The following BSDC1 variants were observed in gnomAD, a reference collection of about 807,000 sequenced individuals.
BSDC1 encodes the protein BSD domain-containing protein 1.
Under a neutral mutation model 56.0 loss-of-function variants are expected in BSDC1, and 29 were observed. The ratio of observed to expected loss-of-function variants is 0.52; its 90% CI spans 0.39 to 0.71. The LOEUF (loss-of-function observed/expected upper bound fraction) is 0.71. Among genes scored for constraint, BSDC1 ranks in the 30% least tolerant of loss-of-function variants. The pLI is 0.00. For missense variants in BSDC1, 477 were observed against 548.5 expected, an observed-to-expected ratio of 0.87 and a Z score of 1.30; for synonymous variants, 210 against 215.3, an observed-to-expected ratio of 0.98 and a Z score of 0.21.
Position 32,378,274 on chromosome 1 carries a change from C to T in BSDC1, c.538G>A (p.Ala180Thr). The T allele has an allele frequency of 6.2e-7, 1 of 1,614,206 alleles. No homozygotes were observed. The highest frequency in any genetic ancestry group is 8.5e-7 in the Non-Finnish European group (1 of 1,180,028). ...TGCCAGAATTCTGAATGGGAAACAG[C>T]TGCTGGAACCTGGAGGGAGGGGAAA... ...RALYTKMVPA[A>T]VSHSEFWHRY... Residue 180 changes from alanine (A) to threonine (T), a missense_variant, in exon 7 of 11, where the codon GCT (alanine) becomes ACT (threonine). Ala to Thr is a moderately conservative substitution (Grantham distance 58, BLOSUM62 0). Coordinates refer to ENST00000455895, the MANE Select transcript of BSDC1 (RefSeq NM_018045.8). The surrounding 1 kb of genome is among the most constrained non-coding windows in gnomAD (Gnocchi z 5.2).
At position 32,376,128 on chromosome 1, in the gene BSDC1, T is replaced by C. The variant is rs967967563; in HGVS notation, c.1156+134A>G. On this transcript the variant is annotated intron_variant, in intron 9 of 10. Transcript: ENST00000455895. ...AATATGTTAGCAAATAGTCAATATA[T>C]AGCAGCTGTCATCATTATCAGAAAC... 1.2e-5 allele frequency: 11 copies of C among 920,700 alleles called. No individual in the cohort carries two copies. The African/African-American group carries it at 1.3e-4, about 11-fold the overall frequency. The allele number at this position is 920,700 out of a possible 1,614,324, so 57.0% of individuals were successfully genotyped here. A position where few individuals can be genotyped will look rare whatever the true frequency, so the allele number is the denominator to read the frequency against.
In BSDC1 at chr1:32,378,776, A is replaced by T; in HGVS notation, c.476T>A (p.Ile159Asn). The part of the protein sequence containing the change: ...QFCLEEKKGE[I>N]SELLVGSPSI... The stretch of plus-strand genomic sequence containing the variant: ...GGGGCTGCCTACAAGGAGCTCTGAG[A>T]TCTCCCCCTTCTTCTCCTCCAAGCA... Residue 159 changes from isoleucine to asparagine, a missense_variant, in exon 6 of 11, where the codon ATC becomes AAC. Coordinates refer to ENST00000455895, the MANE Select transcript of BSDC1 (RefSeq NM_018045.8). This position sits in a 1 kb window ranked among gnomAD's most constrained non-coding sequence, Gnocchi z 5.2. 6.4e-7 allele frequency: 1 copy of T among 1,553,770 alleles called. No individual in the cohort carries two copies. The highest frequency in any genetic ancestry group is 8.7e-7 in the Non-Finnish European group (1 of 1,148,406).
chr1:32,379,461 C>G (rs61207850), intron 5 of BSDC1, among the ~76,000 whole-genome samples: 1 of 152,098 alleles, frequency 6.6e-6, no homozygotes, highest in Non-Finnish European at 1.5e-5. Context: ...CAGGTACCCC[C>G]GATACTTCCA....
chr1:32,393,974 C>G (rs945286409), intron 2 of BSDC1, 106 bp downstream of exon 2: 1 of 1,157,144 alleles, frequency 8.6e-7, no homozygotes, highest in African/African-American at 1.5e-5. Context: ...TCAGCCTCAT[C>G]CTTGAGACTT....
chr1:32,386,994 C>A, intron 2 of BSDC1, 99 bp from the exon 3 acceptor site: 2 of 909,012 alleles, frequency 2.2e-6, no homozygotes, highest in South Asian at 3.0e-5. Flanking sequence ...AAATGGAAAT[C>A]TCCAGCGGCA....
intron 9 of BSDC1, 134 bp downstream of exon 9, chr1:32,376,128 T>G (rs967967563): frequency 6.5e-6 from 6 of 920,818 alleles, no homozygotes; most frequent in Non-Finnish European, 9.1e-6. Flanking sequence ...AGTCAATATA[T>G]AGCAGCTGTC....
intron 5 of BSDC1, among the ~76,000 whole-genome samples, 196 bp downstream of exon 5, chr1:32,381,018 G>T (rs564414998): frequency 3.0e-4 from 45 of 152,258 alleles, no homozygotes; most frequent in Middle Eastern, 3.4e-3. Context: ...TGCAGGGTGG[G>T]CAGGACAGCT....
intron 5 of BSDC1, among the ~76,000 whole-genome samples, chr1:32,380,405 G>C (rs888805164): frequency 6.6e-6 from 1 of 152,124 alleles, no homozygotes; most frequent in Non-Finnish European, 1.5e-5. Flanking sequence ...TGCATTTTTG[G>C]GAGGCTGAGA....
At chr1:32,386,549 G>A (rs1642678526) in intron 3 of BSDC1, 1 of 396,092 alleles carries the variant, frequency 2.5e-6, no homozygotes, top group African/African-American at 2.1e-5. Flanking sequence ...GAATGACTTT[G>A]CTAATGGAAA....
At chr1:32,377,361 T>C (rs2148122280) in intron 8 of BSDC1, among the ~76,000 whole-genome samples, 1 of 152,348 alleles carries the variant, frequency 6.6e-6, no homozygotes, top group Middle Eastern at 3.4e-3. Context: ...CCTAGGTGTA[T>C]GATTGGGCAA....
intron 3 of BSDC1, among the ~76,000 whole-genome samples, chr1:32,386,142 C>T (rs1477754483): frequency 2.6e-5 from 4 of 151,920 alleles, no homozygotes; most frequent in Non-Finnish European, 5.9e-5. Context: ...ACACGGTGCA[C>T]CCCGTCTCTA....
intron 3 of BSDC1, among the ~76,000 whole-genome samples, chr1:32,384,663 C>A (rs1488651910): frequency 6.6e-6 from 1 of 152,074 alleles, no homozygotes; most frequent in Non-Finnish European, 1.5e-5. Flanking sequence ...TTGCCTGGGA[C>A]CAACTGAGGG....
chr1:32,375,363 C>T lies in BSDC1; in HGVS notation c.1156+899G>A, dbSNP rs187051595. Among the ~76,000 whole-genome samples the T allele has an allele frequency of 3.7e-3, 559 of 149,970 alleles. 7 individuals carry two copies. Among genetic ancestry groups the T allele is most frequent in the Non-Finnish European group, 5.3e-3 (358 of 67,686 alleles). On this transcript the variant is annotated intron_variant, in intron 9 of 10. Coordinates refer to ENST00000455895, the MANE Select transcript of BSDC1 (RefSeq NM_018045.8). ...CTTACCTGCTGGGCAAGCTTTGTGG[C>T]TGTGGCTGGTGCTGAGTGTTAGCAA...
At chr1:32,377,476 T>C (rs1312563231) in intron 8 of BSDC1, among the ~76,000 whole-genome samples, 1 of 130,456 alleles carries the variant, frequency 7.7e-6, no homozygotes, top group African/African-American at 2.9e-5. Context: ...CCTGGACATA[T>C]GGTGTAAACA....
chr1:32,383,971 C>T lies in BSDC1; in HGVS notation c.216G>A (p.Glu72=). Residue 72 remains glutamate, a synonymous_variant, in exon 4 of 11, where the codon GAG becomes GAA. Coordinates refer to ENST00000455895, the MANE Select transcript of BSDC1 (RefSeq NM_018045.8). ...AGTCAGATAACCCTTTCTTCATCTTCTCTGTTGCTCCTGAGGAGCCTTCCG... is the reference window on the plus strand; with the variant it reads ...AGTCAGATAACCCTTTCTTCATCTTTTCTGTTGCTCCTGAGGAGCCTTCCG... ...LATEGSSGAT[E]KMKKGLSDFL... is the part of the protein sequence containing the mutation. 6.2e-7 allele frequency: 1 copy of T among 1,613,232 alleles called. No individual in the cohort carries two copies. Among genetic ancestry groups the T allele is most frequent in the Non-Finnish European group, 8.5e-7 (1 of 1,180,044 alleles).
intron 3 of BSDC1, among the ~76,000 whole-genome samples, chr1:32,385,559 T>G (rs1269562352): frequency 6.6e-6 from 1 of 152,008 alleles, no homozygotes; most frequent in Non-Finnish European, 1.5e-5. Flanking sequence ...AAACCCTATC[T>G]CTACAAAAAA....
In BSDC1 at chr1:32,366,226, C is replaced by T; in HGVS notation, c.*396G>A. On this transcript the variant is annotated 3_prime_UTR_variant, in exon 11 of 11. Coordinates refer to ENST00000455895, the MANE Select transcript of BSDC1 (RefSeq NM_018045.8). ...CTTATGTATGGACAGAGTATGTTGT[C>T]TCAGCTTCCTCCGAGAGAGACTGGT... is the stretch of plus-strand genomic sequence containing the variant. The T allele has an allele frequency of 5.5e-6, 2 of 366,050 alleles. No homozygotes were observed. 22.7% of individuals were successfully genotyped at this position (366,050 alleles called of 1,614,324 possible). A position where few individuals can be genotyped will look rare whatever the true frequency, so the allele number is the denominator to read the frequency against.
chr1:32,374,467 T>C (rs1642204720), intron 9 of BSDC1, among the ~76,000 whole-genome samples: 1 of 152,250 alleles, frequency 6.6e-6, no homozygotes, highest in Admixed American at 6.5e-5. Context: ...TGCTGCTTTA[T>C]GGCCCCAAGG....
At chr1:32,382,691 T>A (rs1361622449) in intron 4 of BSDC1, among the ~76,000 whole-genome samples, 1 of 135,964 alleles carries the variant, frequency 7.4e-6, no homozygotes, top group East Asian at 2.2e-4. Flanking sequence ...GGAGACCTCA[T>A]CGCTACAAAA....
Sources: allele counts gnomAD v4.1 joint callset (sites outside exome capture counted in the v4.1 genomes callset), GRCh38; gene constraint gnomAD v4.1.1; non-coding constraint Gnocchi (gnomAD v3.1); transcripts MANE v1.5; gene names NCBI Gene and HGNC (gene_info 2026-07-23, HGNC 2026-07-21).